RBM6: variants seen among roughly 807,000 people sequenced by gnomAD.
RBM6 encodes RNA-binding protein 6.
In RBM6, 23 loss-of-function variants were observed where a neutral mutation model predicts 140.4. The observed-to-expected ratio is 0.16, with a 90% CI of 0.12 to 0.23. The LOEUF is 0.23. Among genes scored for constraint, RBM6 ranks in the 10% least tolerant of loss-of-function variants. RBM6 has a pLI of 1.00. For synonymous variants in RBM6, 439 were observed against 475.6 expected (o/e 0.92, Z 1.00); for missense variants, 1,139 against 1,386.7 (o/e 0.82, Z 2.84).
At chr3:49,999,643 C>A in intron 6 of RBM6, 130 bp downstream of exon 6, 2 of 779,320 alleles carry the variant, frequency 2.6e-6, no homozygotes, top group Non-Finnish European at 4.3e-6. Context: ...GTATTCCAAC[C>A]ATCGGTTGTG....
At chr3:49,973,592 T>C (rs1013783044) in intron 4 of RBM6, among the ~76,000 whole-genome samples, 1 of 149,262 alleles carries the variant, frequency 6.7e-6, no homozygotes, top group Admixed American at 6.7e-5. Context: ...TTCTTTTTTT[T>C]TTTTTTTTTT....
intron 5 of RBM6, among the ~76,000 whole-genome samples, chr3:49,989,226 A>G (rs550207755): frequency 3.3e-5 from 5 of 152,210 alleles, no homozygotes; most frequent in African/African-American, 7.2e-5. Context: ...ATTATATTGT[A>G]CTCCATGCTA....
chr3:50,066,567 C>T, intron 17 of RBM6, 65 bp downstream of exon 17: 2 of 1,553,994 alleles, frequency 1.3e-6, no homozygotes, highest in Non-Finnish European at 8.7e-7. Flanking sequence ...GTGGCTCATG[C>T]CTGTAATCCT....
At chr3:49,978,322 G>A (rs1410902312) in intron 5 of RBM6, among the ~76,000 whole-genome samples, 2 of 152,164 alleles carry the variant, frequency 1.3e-5, no homozygotes, top group African/African-American at 2.4e-5. Flanking sequence ...ATTCATAGGT[G>A]AAAACTGGTA....
At chr3:49,948,508 A>G (rs1051608069) in intron 1 of RBM6, among the ~76,000 whole-genome samples, 1 of 151,908 alleles carries the variant, frequency 6.6e-6, no homozygotes, top group Non-Finnish European at 1.5e-5. Flanking sequence ...AGGTCAAGAG[A>G]TCGAGACCAT....
Position 49,967,718 on chromosome 3 carries a change from G to A in RBM6, c.293G>A (p.Gly98Glu), listed in dbSNP as rs368052154. 2.1e-5 allele frequency: 34 copies of A among 1,614,018 alleles called. No individual in the cohort carries two copies. The highest frequency in any genetic ancestry group is 2.2e-5 in the Non-Finnish European group (26 of 1,180,038). The change falls in exon 3 of 21, where the codon GGA becomes GAA. Residue 98 changes from glycine (G) to glutamate (E), a missense_variant. Around this residue, in one of 9 missense-constraint regions of RBM6, gnomAD observed 566 missense variants for 612.7 expected, o/e 0.92. Transcript: ENST00000266022. This position sits in a 1 kb window ranked among gnomAD's most constrained non-coding sequence, Gnocchi z 4.0. Reference sequence around the variant, plus strand: ...GGACCTGGACATGATTTCAGGGGGGGAGATTTTTCGTCTTCTGATTTCCAG... The same window carrying A: ...GGACCTGGACATGATTTCAGGGGGGAAGATTTTTCGTCTTCTGATTTCCAG... ...GEGPGHDFRG[G>E]DFSSSDFQSR...
intron 6 of RBM6, among the ~76,000 whole-genome samples, chr3:50,003,366 C>T (rs1006106775): frequency 6.8e-6 from 1 of 146,092 alleles, no homozygotes; most frequent in African/African-American, 2.5e-5. Context: ...GTTTTACTTA[C>T]AGACCAAATT....
chr3:50,013,448 A>G (rs755006275), intron 6 of RBM6, among the ~76,000 whole-genome samples: 2 of 152,160 alleles, frequency 1.3e-5, no homozygotes, highest in Non-Finnish European at 2.9e-5. Context: ...AGGGAGGCGG[A>G]TCACGAGGTC....
chr3:50,024,774 A>G (rs536009315), intron 6 of RBM6, among the ~76,000 whole-genome samples: 38 of 152,238 alleles, frequency 2.5e-4, no homozygotes, highest in African/African-American at 8.9e-4. Context: ...TAACACGGTG[A>G]AACCCCGTCT....
chr3:49,997,326 A>G (rs1480026998), intron 5 of RBM6, among the ~76,000 whole-genome samples: 4 of 152,176 alleles, frequency 2.6e-5, no homozygotes, highest in African/African-American at 9.6e-5. Context: ...GTTGATGTCT[A>G]GAAATGCTAT....
intron 6 of RBM6, among the ~76,000 whole-genome samples, chr3:50,019,093 T>A (rs180779707): frequency 6.6e-6 from 1 of 151,930 alleles, no homozygotes; most frequent in South Asian, 2.1e-4. Context: ...TGGAGTACAG[T>A]TGGACGATCT....
chr3:49,976,562 CTT>C, intron 5 of RBM6, among the ~76,000 whole-genome samples: 1 of 152,110 alleles, frequency 6.6e-6, no homozygotes, highest in Non-Finnish European at 1.5e-5. Context: ...TACATGCTTT[CTT>C]TGGGAACTCA....
chr3:49,963,870 A>G (rs1017407196), intron 2 of RBM6, among the ~76,000 whole-genome samples: 3 of 152,148 alleles, frequency 2.0e-5, no homozygotes, highest in Non-Finnish European at 2.9e-5. Context: ...TTGTTGCTCC[A>G]GTTGAAACTT....
At chr3:50,043,513 C>A (rs2089044760) in intron 6 of RBM6, among the ~76,000 whole-genome samples, 1 of 150,344 alleles carries the variant, frequency 6.7e-6, no homozygotes, top group Non-Finnish European at 1.5e-5. Context: ...AGATCTATCT[C>A]TCTTCTTTTT....
chr3:49,984,611 ACATCGCATCGCATCGCATCGCATCG>A (rs72219946), intron 5 of RBM6, among the ~76,000 whole-genome samples: 4 of 86,152 alleles, frequency 4.6e-5, no homozygotes, highest in South Asian at 2.8e-4. Flanking sequence ...ACATCACATC[ACATCGCATCGCATCGCATCGCATCG>A]CATCGCATCG....
intron 6 of RBM6, among the ~76,000 whole-genome samples, chr3:50,024,515 C>T (rs2087689567): frequency 6.6e-6 from 1 of 152,092 alleles, no homozygotes; most frequent in Admixed American, 6.6e-5. Flanking sequence ...ATTAGAATCA[C>T]AAAAGATGTA....
At chr3:50,074,123 C>T (rs1028753115) in intron 19 of RBM6, among the ~76,000 whole-genome samples, 1 of 152,136 alleles carries the variant, frequency 6.6e-6, no homozygotes, top group African/African-American at 2.4e-5. Flanking sequence ...GTCACTGCAC[C>T]CGGCCACCAA....
intron 3 of RBM6, among the ~76,000 whole-genome samples, chr3:49,969,277 C>T (rs1232995869): frequency 1.3e-5 from 2 of 149,070 alleles, no homozygotes; most frequent in East Asian, 1.9e-4. Flanking sequence ...CCCACCTCGG[C>T]CTCCCAAAGT....
chr3:49,978,236 A>G (rs2085148646), intron 5 of RBM6, among the ~76,000 whole-genome samples: 1 of 152,130 alleles, frequency 6.6e-6, no homozygotes, highest in Admixed American at 6.6e-5. Flanking sequence ...CCTGGGTTCA[A>G]GTGATTCTCC....
Sources: allele counts gnomAD v4.1 joint callset (sites outside exome capture counted in the v4.1 genomes callset), GRCh38; gene constraint gnomAD v4.1.1; regional missense constraint gnomAD v4.1.1; non-coding constraint Gnocchi (gnomAD v3.1); transcripts MANE v1.5; gene names NCBI Gene and HGNC (gene_info 2026-07-23, HGNC 2026-07-21).